The following NUP214 variants were observed in gnomAD, a reference collection of about 807,000 sequenced individuals.
NUP214 encodes nuclear pore complex protein Nup214.
A neutral mutation model predicts 196.2 loss-of-function variants in NUP214; 79 were observed. The ratio of observed to expected loss-of-function variants is 0.40; its 90% CI spans 0.34 to 0.49. NUP214 has a LOEUF of 0.49. Ranked by LOEUF, NUP214 falls within the 20% of genes least tolerant of loss-of-function variation. The pLI is 0.58. For missense variants in NUP214, 2,468 were observed against 2,539.0 expected, an observed-to-expected ratio of 0.97 and a Z score of 0.60; for synonymous variants, 1,020 against 990.5, an observed-to-expected ratio of 1.03 and a Z score of -0.56.
intron 30 of NUP214, among the ~76,000 whole-genome samples, chr9:131,212,063 G>A (rs565304424): frequency 3.4e-4 from 52 of 152,230 alleles, no homozygotes; most frequent in South Asian, 4.1e-4. Flanking sequence ...TGCATTCCTA[G>A]GGAGAGGTCT....
At chr9:131,199,900 C>A (rs998922078) in intron 29 of NUP214, among the ~76,000 whole-genome samples, 22 of 152,110 alleles carry the variant, frequency 1.4e-4, no homozygotes, top group African/African-American at 5.3e-4. Flanking sequence ...TACACTCCTC[C>A]TAAATTCAGC....
chr9:131,188,973 T>G, intron 25 of NUP214, 80 bp from the exon 26 acceptor site: 1 of 958,252 alleles, frequency 1.0e-6, no homozygotes, highest in Admixed American at 2.0e-5. Context: ...TATATTTTTG[T>G]GTTTACATTT....
At chr9:131,170,310 T>G (rs923587946) in intron 21 of NUP214, among the ~76,000 whole-genome samples, 3 of 152,102 alleles carry the variant, frequency 2.0e-5, no homozygotes, top group Non-Finnish European at 4.4e-5. Context: ...ACTCCGTCTT[T>G]AAAAAAAGAA....
In NUP214 at chr9:131,139,380, T is replaced by C. The variant is rs1162695410; in HGVS notation, c.1105T>C (p.Tyr369His). ...DSLPMGVVVD[Y>H]TNQVEITISD... The stretch of plus-strand genomic sequence containing the variant: ...CTTGCCCATGGGAGTTGTCGTAGAC[T>C]ATACAAACCAAGTGGAAATCACCAT... The change falls in exon 10 of 36, where the codon TAT becomes CAT. Residue 369 changes from tyrosine to histidine, a missense_variant. Physicochemically the swap from Tyr to His is moderately conservative, Grantham distance 83. Coordinates refer to ENST00000359428, the MANE Select transcript of NUP214 (RefSeq NM_005085.4). 5.6e-6 allele frequency: 9 copies of C among 1,604,476 alleles called. No homozygotes were observed. Among genetic ancestry groups the C allele is most frequent in the Non-Finnish European group, 7.7e-6 (9 of 1,175,894 alleles).
chr9:131,158,424 AAGGTT>A (rs1832525438), intron 17 of NUP214, among the ~76,000 whole-genome samples: 1 of 152,216 alleles, frequency 6.6e-6, no homozygotes, highest in African/African-American at 2.4e-5. Flanking sequence ...CATAGCCATG[AAGGTT>A]AACAGTCGCC....
intron 27 of NUP214, among the ~76,000 whole-genome samples, chr9:131,193,629 CT>C (rs71389402): frequency 5.7e-4 from 16 of 28,218 alleles, no homozygotes; most frequent in East Asian, 1.2e-3. Flanking sequence ...TCTTCCTTTT[CT>C]TTTTTTTTTT....
Position 131,129,370 on chromosome 9 carries a change from C to T in NUP214, c.485C>T (p.Pro162Leu), listed in dbSNP as rs1305027226. 3 of 1,614,054 alleles carry T rather than the reference C, an allele frequency of 1.9e-6. No individual in the cohort carries two copies. The highest frequency in any genetic ancestry group is 2.5e-6 in the Non-Finnish European group (3 of 1,180,038). The change falls in exon 4 of 36, where the codon CCC (proline) becomes CTC (leucine). Residue 162 changes from proline to leucine, a missense_variant. By Grantham distance (98) the Pro-to-Leu change is moderately conservative. Coordinates refer to ENST00000359428, the MANE Select transcript of NUP214 (RefSeq NM_005085.4). ...GATATGAAGTGGAACCCCACTGTCCCCTCCATGGTGGCAGTTTGTCTGGCT... is the reference window on the plus strand; with the variant it reads ...GATATGAAGTGGAACCCCACTGTCCTCTCCATGGTGGCAGTTTGTCTGGCT... ...VIDMKWNPTV[P>L]SMVAVCLADG...
chr9:131,225,049 GC>G (rs1169033836), intron 32 of NUP214, among the ~76,000 whole-genome samples: 1 of 152,058 alleles, frequency 6.6e-6, no homozygotes, highest in Non-Finnish European at 1.5e-5. Context: ...GATCACTTGA[GC>G]CCAAAAGTTC....
In NUP214 at chr9:131,198,581, C is replaced by T. The variant is rs1833858905; in HGVS notation, c.5087C>T (p.Thr1696Ile). The T allele has an allele frequency of 1.9e-6, 3 of 1,614,134 alleles. No homozygotes were observed. In the African/African-American group the frequency reaches 4.0e-5, roughly 22 times the overall value. The change falls in exon 29 of 36, where the codon ACA becomes ATA. Residue 1696 changes from threonine (T) to isoleucine (I), a missense_variant. This residue lies in a region of NUP214 where 1,801 missense variants were observed against 1,779.4 expected (regional missense o/e 1.01). Transcript: ENST00000359428. ...CAGCAGACTGGTAGCACAGCCAGCA[C>T]AGCAGCTGCCACACCACAGGTCAGC... ...FGQQTGSTASTAAATPQVSSS... is the reference protein window; with the variant it reads ...FGQQTGSTASIAAATPQVSSS...
At chr9:131,138,964 A>G (rs1218315425) in intron 9 of NUP214, among the ~76,000 whole-genome samples, 1 of 152,162 alleles carries the variant, frequency 6.6e-6, no homozygotes, top group African/African-American at 2.4e-5. Flanking sequence ...CAATCTCCCT[A>G]GTTGTCATGG....
chr9:131,193,140 GA>G (rs1833660161), intron 27 of NUP214, among the ~76,000 whole-genome samples: 1 of 151,922 alleles, frequency 6.6e-6, no homozygotes, highest in East Asian at 1.9e-4. Context: ...TTTTAAAAAT[GA>G]AAGAATCTTC....
chr9:131,144,432 T>C lies in NUP214; in HGVS notation c.1447T>C (p.Ser483Pro). 1.2e-6 allele frequency: 2 copies of C among 1,614,184 alleles called. No homozygotes were observed. Among genetic ancestry groups the C allele is most frequent in the South Asian group, 1.1e-5 (1 of 91,082 alleles). ...TGCTGGTGGAGCCCCCACTGTGTTCTCCTTTGGTTCTTCATCTTTGAAGTC... is the reference window on the plus strand; with the variant it reads ...TGCTGGTGGAGCCCCCACTGTGTTCCCCTTTGGTTCTTCATCTTTGAAGTC... Reference protein sequence around the residue: ...LPAGGAPTVFSFGSSSLKSSA... With the variant: ...LPAGGAPTVFPFGSSSLKSSA... The change falls in exon 12 of 36, where the codon TCC becomes CCC. Residue 483 changes from serine (S) to proline (P), a missense_variant. Physicochemically the swap from Ser to Pro is moderately conservative, Grantham distance 74. Around this residue, in one of 5 missense-constraint regions of NUP214, gnomAD observed 1,801 missense variants for 1,779.4 expected, o/e 1.01. Transcript: ENST00000359428.
chr9:131,208,022 TAC>T (rs1380503237), intron 30 of NUP214, among the ~76,000 whole-genome samples: 9 of 152,220 alleles, frequency 5.9e-5, no homozygotes, highest in African/African-American at 1.9e-4. Context: ...TTAGATAAGA[TAC>T]CACTTCACAC....
intron 29 of NUP214, 58 bp from the exon 30 acceptor site, chr9:131,201,589 A>C: frequency 7.5e-7 from 1 of 1,326,862 alleles, no homozygotes; most frequent in South Asian, 1.2e-5. Flanking sequence ...CAAAACTTTA[A>C]TGTTGTAAAA....
intron 29 of NUP214, among the ~76,000 whole-genome samples, chr9:131,200,124 C>T (rs1238795389): frequency 6.6e-6 from 1 of 152,224 alleles, no homozygotes; most frequent in East Asian, 1.9e-4. Context: ...GAGAAGACCT[C>T]ATGCACAGGC....
In NUP214 at chr9:131,163,919, A is replaced by G. The variant is rs776129626; in HGVS notation, c.2773A>G (p.Ile925Val). The G allele has an allele frequency of 5.0e-6, 8 of 1,614,078 alleles. No individual in the cohort carries two copies. The highest frequency in any genetic ancestry group is 2.7e-5 in the African/African-American group (2 of 74,934). Residue 925 changes from isoleucine (I) to valine (V), a missense_variant, in exon 20 of 36, where the codon ATA (isoleucine) becomes GTA (valine). Transcript: ENST00000359428. ...SLCNALLKTTIESHTKSLPKV... is the reference protein window; with the variant it reads ...SLCNALLKTTVESHTKSLPKV... ...GTGCAATGCTTTGTTGAAAACCACC[A>G]TAGAATCTCACACCAAATCCTTGCC... is the stretch of plus-strand genomic sequence containing the variant.
At chr9:131,196,025 T>TCCCTCTCCCCCCCCCCCC (rs1554737949) in intron 28 of NUP214, among the ~76,000 whole-genome samples, 1 of 3,668 alleles carries the variant, frequency 2.7e-4, no homozygotes, top group African/African-American at 6.6e-4. Flanking sequence ...ACTCTGTGTG[T>TCCCTCTCCCCCCCCCCCC]CCCCCCCCCC....
intron 33 of NUP214, 86 bp downstream of exon 33, chr9:131,228,417 T>A (rs1229544499): frequency 2.7e-5 from 37 of 1,380,154 alleles, no homozygotes; most frequent in Non-Finnish European, 3.3e-5. Context: ...AAAAGAAATT[T>A]GACCATGAGG....
chr9:131,191,446 C>G (rs1224200381), intron 26 of NUP214: 1 of 151,926 alleles, frequency 6.6e-6, no homozygotes, highest in African/African-American at 2.4e-5. Flanking sequence ...CCAGCCTGGG[C>G]GACAGAGCGA....
Sources: gnomAD v4.1 joint callset for allele counts (sites outside exome capture counted in the v4.1 genomes callset) on GRCh38, gnomAD v4.1.1 for gene constraint, gnomAD v4.1.1 regional missense constraint, MANE v1.5 for transcripts, NCBI Gene and HGNC (gene_info 2026-07-23, HGNC 2026-07-21) for gene names.